GABPB2: variants seen among roughly 807,000 people sequenced by gnomAD.
GABPB2 encodes the protein GA-binding protein subunit beta-2.
Under a neutral mutation model 39.1 loss-of-function variants are expected in GABPB2, and 23 were observed. The observed-to-expected ratio is 0.59, with a 90% CI of 0.42 to 0.83. The LOEUF is 0.83. Among genes scored for constraint, GABPB2 ranks in the 40% least tolerant of loss-of-function variants. The probability of loss-of-function intolerance (pLI) is 0.00; values close to 1 mark genes in which losing one functional copy is unlikely to be tolerated. For synonymous variants in GABPB2, 184 were observed against 199.3 expected (o/e 0.92, Z 0.65); for missense variants, 467 against 541.1 (o/e 0.86, Z 1.36).
intron 1 of GABPB2, among the ~76,000 whole-genome samples, chr1:151,083,196 C>CA (rs979098483): frequency 6.6e-6 from 1 of 152,088 alleles, no homozygotes; most frequent in African/African-American, 2.4e-5. Context: ...TATACAATGT[C>CA]AAAAAATCAC....
chr1:151,086,013 G>A (rs587715784), intron 1 of GABPB2, among the ~76,000 whole-genome samples: 35 of 152,282 alleles, frequency 2.3e-4, no homozygotes, highest in Non-Finnish European at 1.8e-4. Flanking sequence ...GTGGGGCCAA[G>A]ATGGGTCGAT....
chr1:151,087,055 A>G (rs1159548114), intron 1 of GABPB2, among the ~76,000 whole-genome samples: 3 of 151,860 alleles, frequency 2.0e-5, no homozygotes, highest in African/African-American at 7.3e-5. Context: ...GGGTTTCACT[A>G]TGTCGGCCAG....
At chr1:151,105,852 TG>T (rs1206367511) in intron 6 of GABPB2, among the ~76,000 whole-genome samples, 1 of 152,146 alleles carries the variant, frequency 6.6e-6, no homozygotes, top group Non-Finnish European at 1.5e-5. Flanking sequence ...CTAACATTTT[TG>T]TCTATCAAAC....
intron 4 of GABPB2, 48 bp downstream of exon 4, chr1:151,093,434 G>T: frequency 7.7e-6 from 11 of 1,434,582 alleles, no homozygotes; most frequent in East Asian, 2.4e-5. Context: ...TTGAAGTTAA[G>T]GATTTTTTTG....
chr1:151,074,889 A>C (rs773388938), intron 1 of GABPB2, among the ~76,000 whole-genome samples: 55 of 152,092 alleles, frequency 3.6e-4, no homozygotes, highest in Non-Finnish European at 5.9e-4. Context: ...ACAGTGGCTC[A>C]CACCACTTTG....
chr1:151,118,160 A>C lies in GABPB2; in HGVS notation c.1251A>C (p.Thr417=). The C allele has an allele frequency of 1.2e-6, 2 of 1,614,178 alleles. No homozygotes were observed. Among genetic ancestry groups the C allele is most frequent in the Non-Finnish European group, 1.7e-6 (2 of 1,180,022 alleles). Residue 417 remains threonine (T), a synonymous_variant, in exon 9 of 9, where the codon ACA becomes ACC. Transcript: ENST00000368918. ...CTGAGGTAGATGCTGTAGTAGTCAC[A>C]GAGGGGGAGTTGGAAGAGAGAGAGA... is the stretch of plus-strand genomic sequence containing the variant. ...EVAEVDAVVV[T]EGELEERETK...
chr1:151,090,645 G>T, intron 3 of GABPB2, 72 bp downstream of exon 3: 1 of 1,420,120 alleles, frequency 7.0e-7, no homozygotes, highest in Non-Finnish European at 9.8e-7. Context: ...ACTTAAATGG[G>T]TACTAGGAAA....
chr1:151,105,382 G>GTA (rs1297435046), intron 6 of GABPB2, among the ~76,000 whole-genome samples: 1 of 147,590 alleles, frequency 6.8e-6, no homozygotes, highest in Non-Finnish European at 1.5e-5. Context: ...ATATATGTGT[G>GTA]TATATATATG....
intron 4 of GABPB2, 89 bp downstream of exon 4, chr1:151,093,475 A>G (rs1678874269): frequency 2.9e-6 from 3 of 1,020,176 alleles, no homozygotes; most frequent in Non-Finnish European, 4.2e-6. Context: ...AATTTTCCCT[A>G]TTTTATTAAA....
At chr1:151,103,142 CGG>C (rs1012267417) in intron 5 of GABPB2, among the ~76,000 whole-genome samples, 2 of 150,868 alleles carry the variant, frequency 1.3e-5, no homozygotes, top group Admixed American at 1.3e-4. Context: ...CTCTGGCTCC[CGG>C]GTTCATGCCA....
intron 1 of GABPB2, among the ~76,000 whole-genome samples, chr1:151,072,377 G>A (rs1378329217): frequency 6.6e-6 from 1 of 151,622 alleles, no homozygotes; most frequent in African/African-American, 2.4e-5. Flanking sequence ...GGAGACCCCT[G>A]TCGGTACAGA....
chr1:151,077,360 T>TTG (rs1464653615), intron 1 of GABPB2, among the ~76,000 whole-genome samples: 2 of 145,376 alleles, frequency 1.4e-5, no homozygotes, highest in Admixed American at 1.4e-4. Flanking sequence ...TCATAGGTTT[T>TTG]TTTTTTTTTT....
intron 4 of GABPB2, among the ~76,000 whole-genome samples, chr1:151,096,756 G>A (rs1048732548): frequency 1.3e-5 from 2 of 152,076 alleles, no homozygotes; most frequent in East Asian, 1.9e-4. Context: ...TTCAATGGCC[G>A]AATGGAACAA....
intron 5 of GABPB2, among the ~76,000 whole-genome samples, chr1:151,100,882 C>CT (rs1225275615): frequency 6.6e-6 from 1 of 152,022 alleles, no homozygotes; most frequent in African/African-American, 2.4e-5. Context: ...GCCACCGTGC[C>CT]TGGCCCTGAC....
chr1:151,093,272 C>T lies in GABPB2; in HGVS notation c.357C>T (p.Val119=), dbSNP rs1441559190. Reference sequence around the variant, plus strand: ...CCACAGAGCGCCACCATCGAGATGTCGTAGAGTTACTTATCAAATATGGAG... The same window carrying T: ...CCACAGAGCGCCACCATCGAGATGTTGTAGAGTTACTTATCAAATATGGAG... ...HWATERHHRD[V]VELLIKYGAD... is the part of the protein sequence containing the mutation. Residue 119 remains valine, a synonymous_variant, in exon 4 of 9, where the codon GTC becomes GTT. Coordinates refer to ENST00000368918, the MANE Select transcript of GABPB2 (RefSeq NM_144618.3). 16 of 1,613,064 alleles carry T rather than the reference C, an allele frequency of 9.9e-6. No individual in the cohort carries two copies. In the East Asian group the frequency reaches 1.6e-4, roughly 16 times the overall value.
chr1:151,090,290 C>A, intron 2 of GABPB2, 116 bp from the exon 3 acceptor site: 1 of 1,010,802 alleles, frequency 9.9e-7, no homozygotes, highest in Non-Finnish European at 1.4e-6. Flanking sequence ...GTTTTATCTG[C>A]CCAACCAGAT....
At chr1:151,103,995 T>C (rs922553433) in intron 6 of GABPB2, among the ~76,000 whole-genome samples, 1 of 152,238 alleles carries the variant, frequency 6.6e-6, no homozygotes, top group Non-Finnish European at 1.5e-5. Context: ...CTCTATGTTA[T>C]GTTTTGACTG....
chr1:151,099,702 G>T (rs1461413307), intron 5 of GABPB2, among the ~76,000 whole-genome samples: 1 of 152,190 alleles, frequency 6.6e-6, no homozygotes, highest in Admixed American at 6.5e-5. Context: ...TAAAAGAGAA[G>T]AAGCAATGTA....
At chr1:151,116,412 A>AG in intron 7 of GABPB2, among the ~76,000 whole-genome samples, 1 of 151,644 alleles carries the variant, frequency 6.6e-6, no homozygotes, top group East Asian at 1.9e-4. Flanking sequence ...AAAAAAAAAA[A>AG]AAAAACAACT....
Sources: allele counts gnomAD v4.1 joint callset (sites outside exome capture counted in the v4.1 genomes callset), GRCh38; gene constraint gnomAD v4.1.1; transcripts MANE v1.5; gene names NCBI Gene and HGNC (gene_info 2026-07-23, HGNC 2026-07-21).